The following BBS9 variants were observed in gnomAD, a reference collection of about 807,000 sequenced individuals.
BBS9 encodes the protein Bardet-Biedl syndrome 9, also known as protein PTHB1.
Under a neutral mutation model 117.7 loss-of-function variants are expected in BBS9, and 89 were observed. The observed-to-expected ratio is 0.76, with a 90% CI of 0.64 to 0.90. The LOEUF is 0.90. Among genes scored for constraint, BBS9 ranks in the 40% least tolerant of loss-of-function variants. BBS9 has a pLI of 0.00. For synonymous variants in BBS9, 379 were observed against 370.9 expected (o/e 1.02, Z -0.25); for missense variants, 982 against 1,042.2 (o/e 0.94, Z 0.80).
intron 15 of BBS9, among the ~76,000 whole-genome samples, chr7:33,353,466 G>A (rs1344758893): frequency 6.6e-6 from 1 of 152,002 alleles, no homozygotes; most frequent in African/African-American, 2.4e-5. Context: ...ATCACAATAT[G>A]AACTTAATTA....
At chr7:33,196,230 T>C (rs1020092669) in intron 5 of BBS9, among the ~76,000 whole-genome samples, 6 of 152,182 alleles carry the variant, frequency 3.9e-5, no homozygotes, top group African/African-American at 1.4e-4. Flanking sequence ...CTTCCCACTC[T>C]GAGGTTTTGC....
At chr7:33,475,534 T>C (rs1242964333) in intron 19 of BBS9, among the ~76,000 whole-genome samples, 1 of 152,140 alleles carries the variant, frequency 6.6e-6, no homozygotes, top group Non-Finnish European at 1.5e-5. Context: ...CATTGTAGGA[T>C]GTTTCACAGC....
chr7:33,269,754 G>A (rs1799450361), intron 7 of BBS9, among the ~76,000 whole-genome samples: 1 of 151,478 alleles, frequency 6.6e-6, no homozygotes, highest in Non-Finnish European at 1.5e-5. Context: ...GCCAGGCGCA[G>A]TGGCTCATAC....
At chr7:33,308,924 A>G (rs1808600574) in intron 9 of BBS9, among the ~76,000 whole-genome samples, 1 of 152,196 alleles carries the variant, frequency 6.6e-6, no homozygotes, top group South Asian at 2.1e-4. Context: ...ATATTATATC[A>G]ATTGGTATAG....
chr7:33,200,578 A>G (rs1336817990), intron 5 of BBS9, among the ~76,000 whole-genome samples: 1 of 152,170 alleles, frequency 6.6e-6, no homozygotes, highest in Non-Finnish European at 1.5e-5. Context: ...TAAAACACAC[A>G]TATTTATTTA....
intron 17 of BBS9, among the ~76,000 whole-genome samples, chr7:33,382,547 G>A (rs978826147): frequency 6.6e-6 from 1 of 151,928 alleles, no homozygotes; most frequent in East Asian, 1.9e-4. Context: ...ATGGTTTTAC[G>A]TAGTTAAGTG....
At chr7:33,189,389 G>A (rs747861023) in intron 5 of BBS9, among the ~76,000 whole-genome samples, 1 of 151,900 alleles carries the variant, frequency 6.6e-6, no homozygotes, top group Non-Finnish European at 1.5e-5. Flanking sequence ...GTTTCTCATC[G>A]TGTAATTTGT....
chr7:33,280,701 A>G (rs1801639684), intron 9 of BBS9, among the ~76,000 whole-genome samples: 1 of 147,060 alleles, frequency 6.8e-6, no homozygotes, highest in Non-Finnish European at 1.5e-5. Context: ...CTTAAAAGTC[A>G]TTGTGGTTTT....
Position 33,518,245 on chromosome 7 carries a change from CTTTTT to C in BBS9, c.2298+12620_2298+12624del, listed in dbSNP as rs747829401. ...ACATCATTATATTTTTGTATATATTCTTTTTTTTTTTTTTTTTTTTTTTTGAGATG... is the reference window on the plus strand; with the variant it reads ...ACATCATTATATTTTTGTATATATTCTTTTTTTTTTTTTTTTTTTGAGATG... On this transcript the variant is annotated intron_variant, in intron 20 of 22. Transcript: ENST00000242067. 3.8e-4 allele frequency among the ~76,000 whole-genome samples: 36 copies of C among 93,928 alleles called. No homozygotes were observed. In the South Asian group the frequency reaches 4.3e-3, roughly 11 times the overall value. 61.6% of individuals were successfully genotyped at this position (93,928 alleles called of 152,430 possible). A position where few individuals can be genotyped will look rare whatever the true frequency, so the allele number is the denominator to read the frequency against.
chr7:33,313,156 G>A (rs539167001), intron 9 of BBS9, among the ~76,000 whole-genome samples: 2 of 151,044 alleles, frequency 1.3e-5, no homozygotes, highest in South Asian at 2.1e-4. Flanking sequence ...TCTTGCTTAG[G>A]TCATTTCTTC....
At chr7:33,281,971 C>G (rs1414801587) in intron 9 of BBS9, among the ~76,000 whole-genome samples, 1 of 151,778 alleles carries the variant, frequency 6.6e-6, no homozygotes, top group African/African-American at 2.4e-5. Context: ...CATGCCATCA[C>G]ATCTGGCAGA....
At chr7:33,288,889 A>G (rs1315888493) in intron 9 of BBS9, among the ~76,000 whole-genome samples, 1 of 152,208 alleles carries the variant, frequency 6.6e-6, no homozygotes, top group Non-Finnish European at 1.5e-5. Flanking sequence ...TTTATAGATG[A>G]TGTAACTGAG....
chr7:33,377,070 C>A (rs185792972), intron 17 of BBS9, among the ~76,000 whole-genome samples: 1 of 151,996 alleles, frequency 6.6e-6, no homozygotes, highest in African/African-American at 2.4e-5. Flanking sequence ...ATTTGTCATA[C>A]TTGCTTTTGT....
At chr7:33,432,468 T>C (rs1220663180) in intron 19 of BBS9, among the ~76,000 whole-genome samples, 3 of 152,144 alleles carry the variant, frequency 2.0e-5, no homozygotes, top group African/African-American at 7.2e-5. Flanking sequence ...TACATTATAA[T>C]GTGATTATAT....
At chr7:33,223,573 C>A (rs1295039423) in intron 5 of BBS9, among the ~76,000 whole-genome samples, 1 of 152,174 alleles carries the variant, frequency 6.6e-6, no homozygotes, top group African/African-American at 2.4e-5. Context: ...ACCAATTACA[C>A]CTACCTTCCT....
intron 5 of BBS9, among the ~76,000 whole-genome samples, chr7:33,237,352 T>G (rs1156527962): frequency 6.6e-6 from 1 of 152,218 alleles, no homozygotes; most frequent in Non-Finnish European, 1.5e-5. Flanking sequence ...TATGTACAAT[T>G]CTATATTTGG....
intron 5 of BBS9, among the ~76,000 whole-genome samples, chr7:33,250,475 G>C (rs964291084): frequency 4.6e-5 from 7 of 152,168 alleles, no homozygotes; most frequent in African/African-American, 1.7e-4. Context: ...AAGGCTTCCT[G>C]TTGGCTCTGT....
chr7:33,280,704 G>A (rs112322801), intron 9 of BBS9, among the ~76,000 whole-genome samples: 21,845 of 152,000 alleles, frequency 0.14, 1,815 homozygotes, highest in Non-Finnish European at 0.18. Context: ...AAAAGTCATT[G>A]TGGTTTTTAT....
rs1244890471 is a variant in BBS9 at position 33,177,469 on chromosome 7, T to A, written c.329-9T>A. 1.3e-6 allele frequency: 2 copies of A among 1,577,224 alleles called. No homozygotes were observed. Among genetic ancestry groups the A allele is most frequent in the Admixed American group, 3.3e-5 (2 of 59,964 alleles). On this transcript the variant is annotated splice_polypyrimidine_tract_variant and intron_variant, in intron 4 of 22. Coordinates refer to ENST00000242067, the MANE Select transcript of BBS9 (RefSeq NM_198428.3). ...AAATACAAAGTAATCCTTTTTTTTTTTTCCTTAGGAACCTTGGGTAATGTG... is the reference window on the plus strand; with the variant it reads ...AAATACAAAGTAATCCTTTTTTTTTATTCCTTAGGAACCTTGGGTAATGTG...
Sources: gnomAD v4.1 joint callset for allele counts (sites outside exome capture counted in the v4.1 genomes callset) on GRCh38, gnomAD v4.1.1 for gene constraint, MANE v1.5 for transcripts, NCBI Gene and HGNC (gene_info 2026-07-23, HGNC 2026-07-21) for gene names.